Variants in WNT3 observed in about 807,000 individuals in gnomAD.
The protein encoded by WNT3 is Wnt family member 3.
Under a neutral mutation model 34.2 loss-of-function variants are expected in WNT3, and 7 were observed. That is an observed-to-expected ratio of 0.20 (90% confidence interval 0.12 to 0.38). The LOEUF is 0.38. Among genes scored for constraint, WNT3 ranks in the 10% least tolerant of loss-of-function variants. The probability of loss-of-function intolerance (pLI) is 1.00; values close to 1 mark genes in which losing one functional copy is unlikely to be tolerated. For missense variants in WNT3, 267 were observed against 499.8 expected (o/e 0.53, Z 4.44); for synonymous variants, 212 against 211.5 (o/e 1.00, Z -0.02).
At chr17:46,769,315 C>CAA (rs60504646) in intron 3 of WNT3, among the ~76,000 whole-genome samples, 4,113 of 102,756 alleles carry the variant, frequency 0.04, 240 homozygotes, top group African/African-American at 0.14. Context: ...GACTCCGTCT[C>CAA]AAAAAAAAAA....
chr17:46,793,568 C>T (rs535121649), intron 1 of WNT3, among the ~76,000 whole-genome samples: 1 of 152,224 alleles, frequency 6.6e-6, no homozygotes, highest in South Asian at 2.1e-4. Context: ...AGAGGAGACC[C>T]CCGACCTGAG....
At chr17:46,769,639 G>A in intron 3 of WNT3, 144 bp downstream of exon 3, 1 of 1,060,874 alleles carries the variant, frequency 9.4e-7, no homozygotes, top group African/African-American at 1.6e-5. Flanking sequence ...CTGTGGGGTG[G>A]GGAGGAGGCC....
At chr17:46,808,446 A>AT (rs997722565) in intron 1 of WNT3, among the ~76,000 whole-genome samples, 3 of 152,210 alleles carry the variant, frequency 2.0e-5, no homozygotes, top group Admixed American at 1.3e-4. Context: ...GAACAAGCAA[A>AT]TTTTTACCCC....
chr17:46,771,513 C>T (rs1036950189), intron 2 of WNT3, among the ~76,000 whole-genome samples: 6 of 149,040 alleles, frequency 4.0e-5, no homozygotes, highest in Non-Finnish European at 9.0e-5. Flanking sequence ...GGGGGCGGGG[C>T]GGGGATTAGC....
chr17:46,789,882 G>A (rs916909394), intron 1 of WNT3, among the ~76,000 whole-genome samples: 4 of 152,188 alleles, frequency 2.6e-5, no homozygotes, highest in African/African-American at 9.7e-5. Flanking sequence ...GGTGCTCAGG[G>A]CAACGATTCC....
chr17:46,797,259 G>T (rs1201576673), intron 1 of WNT3, among the ~76,000 whole-genome samples: 1 of 152,182 alleles, frequency 6.6e-6, no homozygotes, highest in African/African-American at 2.4e-5. Flanking sequence ...ACTATGCGAT[G>T]TCCTACTCTG....
At chr17:46,766,868 A>C (rs193272387) in intron 4 of WNT3, among the ~76,000 whole-genome samples, 132 of 152,264 alleles carry the variant, frequency 8.7e-4, no homozygotes, top group African/African-American at 3.0e-3. Flanking sequence ...CCAGCAGGGA[A>C]GTGCTTCCCA....
chr17:46,774,591 A>C (rs1279423992), intron 1 of WNT3, among the ~76,000 whole-genome samples: 1 of 152,250 alleles, frequency 6.6e-6, no homozygotes, highest in Non-Finnish European at 1.5e-5. Context: ...AGTTTAGCAC[A>C]GAGTCAGAAG....
chr17:46,781,833 TC>T (rs1248537930), intron 1 of WNT3, among the ~76,000 whole-genome samples: 13 of 152,130 alleles, frequency 8.5e-5, no homozygotes, highest in Non-Finnish European at 4.4e-5. Flanking sequence ...CTAGTCTAAT[TC>T]CCTCTTCCTC....
chr17:46,789,705 C>T (rs1395385260), intron 1 of WNT3, among the ~76,000 whole-genome samples: 9 of 152,204 alleles, frequency 5.9e-5, no homozygotes, highest in Admixed American at 5.9e-4. Context: ...GAGTACTAAA[C>T]CATGGCTGGG....
In WNT3 at chr17:46,812,486, C is replaced by T. The variant is rs2084289661; in HGVS notation, c.80+6032G>A. 2.6e-5 allele frequency among the ~76,000 whole-genome samples: 4 copies of T among 152,192 alleles called. No homozygotes were observed. In the South Asian group the frequency reaches 8.3e-4, roughly 32 times the overall value. ...CTCTGGGCGGCCCTGGTGCCACTCC[C>T]CCTGGGAAGCCTGCCTCCCCCACCC... On this transcript the variant is annotated intron_variant, in intron 1 of 4. Coordinates refer to ENST00000225512, the MANE Select transcript of WNT3 (RefSeq NM_030753.5).
At chr17:46,784,796 GAT>G (rs2059488731) in intron 1 of WNT3, among the ~76,000 whole-genome samples, 2 of 127,900 alleles carry the variant, frequency 1.6e-5, no homozygotes, top group Non-Finnish European at 3.2e-5. Context: ...TTTTTTTTGA[GAT>G]GGAGTCTCGC....
chr17:46,786,270 G>A (rs992095956), intron 1 of WNT3, among the ~76,000 whole-genome samples: 3 of 152,158 alleles, frequency 2.0e-5, no homozygotes, highest in African/African-American at 4.8e-5. Flanking sequence ...GAAGGAGGAG[G>A]ACAGGAGAAG....
intron 1 of WNT3, among the ~76,000 whole-genome samples, chr17:46,794,580 G>C (rs1179122116): frequency 6.6e-6 from 1 of 152,086 alleles, no homozygotes; most frequent in Non-Finnish European, 1.5e-5. Context: ...CCACCGTGGA[G>C]AGGATAAAAA....
intron 4 of WNT3, among the ~76,000 whole-genome samples, chr17:46,765,535 G>A (rs1417893731): frequency 6.6e-6 from 1 of 152,232 alleles, no homozygotes; most frequent in African/African-American, 2.4e-5. Context: ...CCTGCTCTGC[G>A]ACTCCCTTCT....
intron 2 of WNT3, among the ~76,000 whole-genome samples, chr17:46,772,870 G>C (rs1211174601): frequency 1.3e-5 from 2 of 152,008 alleles, no homozygotes; most frequent in Non-Finnish European, 2.9e-5. Context: ...TAATAGGAGG[G>C]AGGGCCAGGC....
intron 1 of WNT3, among the ~76,000 whole-genome samples, chr17:46,790,041 C>G (rs1236664011): frequency 6.6e-6 from 1 of 152,124 alleles, no homozygotes; most frequent in Non-Finnish European, 1.5e-5. Context: ...AGGCCCCACC[C>G]AAGTTCAAAG....
chr17:46,781,242 A>G (rs961799202), intron 1 of WNT3, among the ~76,000 whole-genome samples: 1 of 152,108 alleles, frequency 6.6e-6, no homozygotes, highest in African/African-American at 2.4e-5. Context: ...CAAAAAAAAA[A>G]AAAGGAATGA....
chr17:46,796,685 C>T (rs2084058439), intron 1 of WNT3, among the ~76,000 whole-genome samples: 1 of 152,210 alleles, frequency 6.6e-6, no homozygotes, highest in African/African-American at 2.4e-5. Context: ...GAGAATGATT[C>T]ACCAGCCAGA....
Sources: allele counts gnomAD v4.1 joint callset (sites outside exome capture counted in the v4.1 genomes callset), GRCh38; gene constraint gnomAD v4.1.1; transcripts MANE v1.5; gene names NCBI Gene and HGNC (gene_info 2026-07-23, HGNC 2026-07-21).